The following ADAM18 variants were observed in gnomAD, a reference collection of about 807,000 sequenced individuals.
ADAM18 encodes the protein disintegrin and metalloproteinase domain-containing protein 18.
A neutral mutation model predicts 94.4 loss-of-function variants in ADAM18; 117 were observed. The observed-to-expected ratio is 1.24, with a 90% CI of 1.07 to 1.45. The LOEUF (loss-of-function observed/expected upper bound fraction) is 1.45. Ranked by LOEUF, ADAM18 falls within the 40% of genes most tolerant of loss-of-function variation. The pLI is 0.00. For synonymous variants in ADAM18, 327 were observed against 291.6 expected, an observed-to-expected ratio of 1.12 and a Z score of -1.24; for missense variants, 936 against 880.0, an observed-to-expected ratio of 1.06 and a Z score of -0.81.
chr8:39,691,482 A>G (rs527989165), intron 16 of ADAM18, among the ~76,000 whole-genome samples: 1 of 152,240 alleles, frequency 6.6e-6, no homozygotes, highest in South Asian at 2.1e-4. Context: ...TGTTTATTCA[A>G]AGAAAAGGAA....
At chr8:39,718,703 G>C (rs1324103285) in intron 18 of ADAM18, among the ~76,000 whole-genome samples, 1 of 151,146 alleles carries the variant, frequency 6.6e-6, no homozygotes, top group African/African-American at 2.4e-5. Flanking sequence ...TCGTTAGGTA[G>C]GTGCTCTTCC....
chr8:39,700,642 C>T (rs866737699), intron 17 of ADAM18, among the ~76,000 whole-genome samples: 40 of 152,106 alleles, frequency 2.6e-4, no homozygotes, highest in African/African-American at 9.2e-4. Flanking sequence ...TATAACATGA[C>T]ATGAAAAATT....
rs75244068 is a variant in ADAM18, at chr8:39,600,167, G to A, written c.133-6140G>A. The stretch of plus-strand genomic sequence containing the variant: ...TAAATTTTTTTAAAGCACTGTTAAA[G>A]AAAGGTCTGTAAACTTTCTTTTAAT... On this transcript the variant is annotated intron_variant, in intron 2 of 19. Transcript: ENST00000265707. 2.0e-3 allele frequency among the ~76,000 whole-genome samples: 301 copies of A among 152,200 alleles called. 5 individuals carry two copies. In the East Asian group the frequency reaches 0.03, roughly 15 times the overall value.
intron 2 of ADAM18, among the ~76,000 whole-genome samples, chr8:39,590,329 G>A (rs1024282583): frequency 1.2e-4 from 19 of 152,054 alleles, no homozygotes; most frequent in Middle Eastern, 3.4e-3. Flanking sequence ...GTAAACTATC[G>A]CAAGAACAAA....
intron 19 of ADAM18, among the ~76,000 whole-genome samples, chr8:39,725,376 G>T (rs1292354885): frequency 1.3e-5 from 2 of 151,898 alleles, no homozygotes; most frequent in African/African-American, 4.8e-5. Context: ...TACCCTCTTA[G>T]CAAATATCAA....
intron 6 of ADAM18, among the ~76,000 whole-genome samples, chr8:39,618,196 G>A (rs1819502767): frequency 6.6e-6 from 1 of 152,148 alleles, no homozygotes; most frequent in South Asian, 2.1e-4. Context: ...TTGTTCCCAG[G>A]TGGATCGGCA....
intron 17 of ADAM18, among the ~76,000 whole-genome samples, chr8:39,698,736 G>A (rs560608726): frequency 6.6e-6 from 1 of 151,974 alleles, no homozygotes; most frequent in South Asian, 2.1e-4. Context: ...AAATAGTGTG[G>A]GTCTGATTAG....
chr8:39,663,685 G>A, intron 12 of ADAM18, 110 bp from the exon 13 acceptor site: 1 of 411,884 alleles, frequency 2.4e-6, no homozygotes, highest in East Asian at 9.0e-5. Context: ...CAATTATATT[G>A]TATAACTACA....
At chr8:39,702,986 G>T (rs572182110) in intron 17 of ADAM18, among the ~76,000 whole-genome samples, 1 of 152,224 alleles carries the variant, frequency 6.6e-6, no homozygotes, top group South Asian at 2.1e-4. Context: ...GCTTCCCAGT[G>T]AATTTTAAAA....
intron 18 of ADAM18, among the ~76,000 whole-genome samples, chr8:39,722,212 T>C (rs1301998052): frequency 3.6e-4 from 25 of 69,618 alleles, no homozygotes; most frequent in African/African-American, 2.3e-3. Flanking sequence ...TGTGTGTGTG[T>C]GTGTGTATAT....
chr8:39,600,627 T>A (rs1255984541), intron 2 of ADAM18, among the ~76,000 whole-genome samples: 1 of 152,200 alleles, frequency 6.6e-6, no homozygotes, highest in Non-Finnish European at 1.5e-5. Flanking sequence ...GCTCTCAGTT[T>A]GAGAAACAGT....
At chr8:39,585,200 G>A in intron 1 of ADAM18, 76 bp from the exon 2 acceptor site, 2 of 1,201,874 alleles carry the variant, frequency 1.7e-6, no homozygotes, top group South Asian at 1.3e-5. Flanking sequence ...TGCAGTCCGG[G>A]ATAAGAACCC....
chr8:39,592,761 C>T (rs1818611140), intron 2 of ADAM18, among the ~76,000 whole-genome samples: 1 of 151,986 alleles, frequency 6.6e-6, no homozygotes, highest in South Asian at 2.1e-4. Context: ...CACTAGAAGC[C>T]CAACCCCCAG....
At chr8:39,585,199 G>T (rs1198624596) in intron 1 of ADAM18, 77 bp from the exon 2 acceptor site, 3 of 1,189,012 alleles carry the variant, frequency 2.5e-6, no homozygotes, top group African/African-American at 3.1e-5. Flanking sequence ...ATGCAGTCCG[G>T]GATAAGAACC....
intron 6 of ADAM18, among the ~76,000 whole-genome samples, chr8:39,627,394 T>G (rs1369190648): frequency 6.6e-6 from 1 of 152,124 alleles, no homozygotes; most frequent in Non-Finnish European, 1.5e-5. Context: ...CATGATTCAA[T>G]TATCTCCACC....
At chr8:39,702,701 T>G (rs77450564) in intron 17 of ADAM18, among the ~76,000 whole-genome samples, 22 of 152,196 alleles carry the variant, frequency 1.4e-4, no homozygotes, top group African/African-American at 5.3e-4. Flanking sequence ...TTTCTGCACA[T>G]GGCTAGCCAG....
chr8:39,641,857 A>G (rs149057369), intron 10 of ADAM18, among the ~76,000 whole-genome samples: 2,609 of 152,172 alleles, frequency 0.017, 60 homozygotes, highest in African/African-American at 0.06. Flanking sequence ...CAATGGCTGA[A>G]CTAATTTACA....
chr8:39,669,453 A>G (rs1252313993), intron 14 of ADAM18, among the ~76,000 whole-genome samples: 1 of 127,508 alleles, frequency 7.8e-6, no homozygotes, highest in African/African-American at 2.8e-5. Context: ...TCCTAATGCT[A>G]TCCCTCCCCC....
chr8:39,625,377 A>G (rs1368686398), intron 6 of ADAM18, among the ~76,000 whole-genome samples: 1 of 152,166 alleles, frequency 6.6e-6, no homozygotes, highest in African/African-American at 2.4e-5. Context: ...ATTTGTGTAC[A>G]TTGATTTTGT....
Sources: gnomAD v4.1 joint callset for allele counts (sites outside exome capture counted in the v4.1 genomes callset) on GRCh38, gnomAD v4.1.1 for gene constraint, MANE v1.5 for transcripts, NCBI Gene and HGNC (gene_info 2026-07-23, HGNC 2026-07-21) for gene names.